Variants in MTUS2 observed in about 807,000 individuals in gnomAD.
MTUS2 encodes microtubule-associated tumor suppressor candidate 2.
In MTUS2, 40 loss-of-function variants were observed where a neutral mutation model predicts 114.1. The ratio of observed to expected loss-of-function variants is 0.35; its 90% CI spans 0.27 to 0.46. The LOEUF is 0.46. MTUS2 is among the 20% of genes least tolerant of loss of function. The pLI, the probability that MTUS2 is intolerant of heterozygous loss-of-function variation, is 1.00. For synonymous variants in MTUS2, 688 were observed against 672.0 expected (o/e 1.02, Z -0.37); for missense variants, 1,679 against 1,705.4 (o/e 0.98, Z 0.27).
chr13:28,904,525 T>G (rs933898889), intron 2 of MTUS2, among the ~76,000 whole-genome samples: 8 of 152,154 alleles, frequency 5.3e-5, no homozygotes, highest in Non-Finnish European at 8.8e-5. Flanking sequence ...TTTCCCCATT[T>G]CTTGTTTTTG....
intron 2 of MTUS2, among the ~76,000 whole-genome samples, chr13:28,867,736 GC>G (rs1007938630): frequency 6.6e-6 from 1 of 152,184 alleles, no homozygotes; most frequent in African/African-American, 2.4e-5. Context: ...ACTTGGCTCA[GC>G]CATCATGAGG....
chr13:29,337,217 C>T (rs1288950014), intron 7 of MTUS2, among the ~76,000 whole-genome samples: 1 of 152,002 alleles, frequency 6.6e-6, no homozygotes, highest in East Asian at 1.9e-4. Context: ...CTGCAACTAG[C>T]TCTGTGTCTA....
intron 5 of MTUS2, among the ~76,000 whole-genome samples, chr13:29,150,403 G>A (rs184995998): frequency 3.3e-5 from 5 of 152,012 alleles, no homozygotes; most frequent in African/African-American, 1.2e-4. Flanking sequence ...GAAGTTATTT[G>A]TCTTTCACTT....
intron 5 of MTUS2, among the ~76,000 whole-genome samples, chr13:29,202,833 G>A (rs978075625): frequency 2.6e-4 from 40 of 152,294 alleles, no homozygotes; most frequent in Admixed American, 7.2e-4. Flanking sequence ...TATCACCAGC[G>A]GAGGCTGCAG....
Position 29,018,833 on chromosome 13 carries a change from T to G in MTUS2, c.-242-5624T>G, listed in dbSNP as rs111324311. On this transcript the variant is annotated intron_variant, in intron 2 of 15. Coordinates refer to ENST00000612955, the MANE Select transcript of MTUS2 (RefSeq NM_001033602.4). ...GAAATGTATGTGTATTCACAAACCA[T>G]TATCAGAGATTGTGAGCTCAGGAGA... 3.5e-3 allele frequency among the ~76,000 whole-genome samples: 488 copies of G among 138,576 alleles called. 2 individuals carry two copies. Among genetic ancestry groups the G allele is most frequent in the African/African-American group, 0.013 (462 of 36,834 alleles). 90.9% of individuals were successfully genotyped at this position (138,576 alleles called of 152,430 possible).
At chr13:28,969,493 A>G (rs908191857) in intron 2 of MTUS2, among the ~76,000 whole-genome samples, 1 of 151,606 alleles carries the variant, frequency 6.6e-6, no homozygotes, top group Non-Finnish European at 1.5e-5. Context: ...GTTTTGCACT[A>G]TTTATTTTAT....
intron 2 of MTUS2, among the ~76,000 whole-genome samples, chr13:28,876,108 CTCT>C: frequency 6.6e-6 from 1 of 152,252 alleles, no homozygotes; most frequent in South Asian, 2.1e-4. Context: ...TCTTCTTTTC[CTCT>C]TCTTGGAAGT....
chr13:29,019,146 AT>A (rs2138452267), intron 2 of MTUS2, among the ~76,000 whole-genome samples: 1 of 152,224 alleles, frequency 6.6e-6, no homozygotes, highest in Admixed American at 6.5e-5. Flanking sequence ...AATTACTAAC[AT>A]TTCAGCGTCA....
intron 5 of MTUS2, among the ~76,000 whole-genome samples, chr13:29,243,188 C>A (rs1896791779): frequency 6.6e-6 from 1 of 152,074 alleles, no homozygotes; most frequent in African/African-American, 2.4e-5. Context: ...AGTAAAGTCA[C>A]AAGAAAGGAT....
At chr13:29,049,582 TGG>T (rs145433160) in intron 4 of MTUS2, among the ~76,000 whole-genome samples, 2,662 of 152,244 alleles carry the variant, frequency 0.017, 29 homozygotes, top group Non-Finnish European at 0.029. Context: ...TTTAAGAGAG[TGG>T]ACCTAAGAAG....
rs548887881 is a variant in MTUS2, at chr13:28,991,922, T to C, written c.-242-32535T>C. ...GCCAGTGTGATTCTGTCTCTGTACC[T>C]GGGAACTTGTGCAATCCTGGAGCCC... On this transcript the variant is annotated intron_variant, in intron 2 of 15. Transcript: ENST00000612955. 9.2e-5 allele frequency among the ~76,000 whole-genome samples: 14 copies of C among 152,296 alleles called. No homozygotes were observed. The South Asian group carries it at 2.5e-3, about 27-fold the overall frequency.
At chr13:29,006,024 C>T (rs943122712) in intron 2 of MTUS2, among the ~76,000 whole-genome samples, 4 of 152,186 alleles carry the variant, frequency 2.6e-5, no homozygotes, top group Admixed American at 2.0e-4. Context: ...TTTCACCAGT[C>T]CCTTACTATG....
chr13:28,850,586 A>G (rs551330311), intron 2 of MTUS2, among the ~76,000 whole-genome samples: 3 of 152,356 alleles, frequency 2.0e-5, no homozygotes, highest in East Asian at 3.9e-4. Flanking sequence ...TAAATTGCCC[A>G]GAGGGTATGC....
intron 2 of MTUS2, among the ~76,000 whole-genome samples, chr13:29,023,847 GAACT>G (rs1298711616): frequency 1.3e-5 from 2 of 152,142 alleles, no homozygotes; most frequent in Non-Finnish European, 2.9e-5. Context: ...GTGGCCCTGA[GAACT>G]AACTAATATC....
intron 2 of MTUS2, among the ~76,000 whole-genome samples, chr13:28,926,003 T>A (rs1881307993): frequency 2.0e-5 from 3 of 152,230 alleles, no homozygotes; most frequent in Admixed American, 2.0e-4. Context: ...CGCTTATATT[T>A]AGCTTGAGGC....
intron 5 of MTUS2, among the ~76,000 whole-genome samples, chr13:29,230,732 A>C (rs1346947415): frequency 6.6e-6 from 1 of 152,238 alleles, no homozygotes; most frequent in Admixed American, 6.5e-5. Flanking sequence ...TTTCAGGACT[A>C]GAGTGCAGGC....
chr13:29,298,305 A>T (rs2139598285), intron 6 of MTUS2, among the ~76,000 whole-genome samples: 1 of 152,308 alleles, frequency 6.6e-6, no homozygotes. Context: ...GTTCCTCTCT[A>T]CCTAAGGAAA....
chr13:28,862,296 A>G (rs1877035989), intron 2 of MTUS2, among the ~76,000 whole-genome samples: 1 of 152,234 alleles, frequency 6.6e-6, no homozygotes, highest in African/African-American at 2.4e-5. Context: ...GCAATCAAAC[A>G]TTAGAAAAGC....
At chr13:29,315,714 T>C (rs1899960719) in intron 6 of MTUS2, among the ~76,000 whole-genome samples, 1 of 152,132 alleles carries the variant, frequency 6.6e-6, no homozygotes, top group African/African-American at 2.4e-5. Context: ...AGCATGTGAC[T>C]AATAAGGTAG....
Sources: allele counts gnomAD v4.1 joint callset (sites outside exome capture counted in the v4.1 genomes callset), GRCh38; gene constraint gnomAD v4.1.1; transcripts MANE v1.5; gene names NCBI Gene and HGNC (gene_info 2026-07-23, HGNC 2026-07-21).